Variants in GSE1 observed in about 807,000 individuals in gnomAD.
The protein encoded by GSE1 is Gse1 coiled-coil protein, also known as genetic suppressor element 1.
In GSE1, 32 loss-of-function variants were observed where a neutral mutation model predicts 112.6. That is an observed-to-expected ratio of 0.28 (90% CI 0.21 to 0.38). The LOEUF (loss-of-function observed/expected upper bound fraction) is 0.38. Ranked by LOEUF, GSE1 falls within the 10% of genes least tolerant of loss-of-function variation. The probability of loss-of-function intolerance (pLI) is 1.00; values close to 1 mark genes in which losing one functional copy is unlikely to be tolerated. For synonymous variants in GSE1, 1,115 were observed against 735.6 expected (o/e 1.52, Z -8.35); for missense variants, 2,348 against 1,699.2 (o/e 1.38, Z -6.71).
intron 2 of GSE1, among the ~76,000 whole-genome samples, chr16:85,484,065 C>A (rs1051383331): frequency 6.6e-6 from 1 of 152,234 alleles, no homozygotes; most frequent in Non-Finnish European, 1.5e-5. Context: ...CCCTCAGATT[C>A]GCGGTAGGAT....
chr16:85,435,282 G>C (rs1009950262), intron 2 of GSE1, among the ~76,000 whole-genome samples: 1 of 152,106 alleles, frequency 6.6e-6, no homozygotes, highest in African/African-American at 2.4e-5. Context: ...CCCAGCTCTA[G>C]AGATGGAGAC....
rs112625318 is a variant in GSE1, at chr16:85,502,277, A to G, written c.2465-131637A>G. Among the ~76,000 whole-genome samples, 969 of 152,170 alleles carry G rather than the reference A, an allele frequency of 6.4e-3. 9 individuals are homozygous for G. Among genetic ancestry groups the G allele is most frequent in the African/African-American group, 0.022 (924 of 41,520 alleles). ...ACCTAGGTGCGCACAGTGGAGTTCG[A>G]TCCTGGCAGCTTCCCCAGGAGATCA... On this transcript the variant is annotated intron_variant, in intron 2 of 2. Transcript: ENST00000637419.
intron 2 of GSE1, among the ~76,000 whole-genome samples, chr16:85,469,851 G>A (rs1234681686): frequency 6.6e-6 from 1 of 152,226 alleles, no homozygotes; most frequent in Non-Finnish European, 1.5e-5. Flanking sequence ...CAGAGGATTA[G>A]GGACACCACG....
intron 1 of GSE1, among the ~76,000 whole-genome samples, chr16:85,559,832 C>A (rs1185928977): frequency 1.3e-5 from 2 of 152,226 alleles, no homozygotes; most frequent in Non-Finnish European, 1.5e-5. Context: ...ACAGCCACGC[C>A]TGTTCCTCTG....
intron 2 of GSE1, among the ~76,000 whole-genome samples, chr16:85,415,177 C>T (rs1410382265): frequency 2.0e-5 from 3 of 152,210 alleles, no homozygotes; most frequent in African/African-American, 7.2e-5. Flanking sequence ...CGTACTCAAA[C>T]GATTCTCCCA....
chr16:85,313,551 C>A (rs946295179), intron 1 of GSE1, among the ~76,000 whole-genome samples: 1 of 152,198 alleles, frequency 6.6e-6, no homozygotes, highest in African/African-American at 2.4e-5. Flanking sequence ...CTTCCTGCCC[C>A]CTCCCTGCCC....
chr16:85,550,880 G>C (rs1377622063), intron 2 of GSE1, among the ~76,000 whole-genome samples: 1 of 152,218 alleles, frequency 6.6e-6, no homozygotes, highest in East Asian at 1.9e-4. Flanking sequence ...GCCGCCTCCT[G>C]GGAAGCAGCC....
At chr16:85,640,249 G>A (rs953067256) in intron 2 of GSE1, among the ~76,000 whole-genome samples, 33 of 151,514 alleles carry the variant, frequency 2.2e-4, no homozygotes, top group African/African-American at 8.0e-4. Flanking sequence ...CCCACACTTC[G>A]CTCCCTTAAC....
chr16:85,629,611 T>C (rs893529937), intron 1 of GSE1, among the ~76,000 whole-genome samples: 6 of 152,350 alleles, frequency 3.9e-5, no homozygotes, highest in Non-Finnish European at 5.9e-5. Context: ...CAAGCCTGCC[T>C]TCGCCTATCT....
intron 1 of GSE1, among the ~76,000 whole-genome samples, chr16:85,572,401 A>G (rs985686741): frequency 6.9e-6 from 1 of 144,256 alleles, no homozygotes; most frequent in South Asian, 2.2e-4. Context: ...ACACAAACAC[A>G]CCACACACAC....
chr16:85,439,995 C>G (rs1205175899), intron 2 of GSE1, among the ~76,000 whole-genome samples: 6 of 152,240 alleles, frequency 3.9e-5, no homozygotes, highest in African/African-American at 1.4e-4. Context: ...CATGCATATG[C>G]AAATATGCAC....
chr16:85,326,166 C>T (rs1159312828), intron 1 of GSE1, among the ~76,000 whole-genome samples: 2 of 152,136 alleles, frequency 1.3e-5, no homozygotes, highest in Non-Finnish European at 2.9e-5. Flanking sequence ...GAATCGGTGC[C>T]CCCCTGGCTC....
intron 1 of GSE1, among the ~76,000 whole-genome samples, chr16:85,256,844 T>C (rs933814663): frequency 1.4e-4 from 21 of 152,280 alleles, no homozygotes; most frequent in African/African-American, 2.4e-4. Flanking sequence ...TGGCCACTTA[T>C]ATTTCAATGA....
chr16:85,426,212 T>TGGAG (rs2048983671), intron 2 of GSE1, among the ~76,000 whole-genome samples: 1 of 145,534 alleles, frequency 6.9e-6, no homozygotes. Flanking sequence ...GATGGATGGA[T>TGGAG]GGATGGATGG....
At chr16:85,427,901 A>G (rs777457333) in intron 2 of GSE1, among the ~76,000 whole-genome samples, 2 of 152,256 alleles carry the variant, frequency 1.3e-5, no homozygotes, top group African/African-American at 4.8e-5. Flanking sequence ...GCACATGGAC[A>G]ATATTAAAAA....
At chr16:85,190,830 G>A (rs1384363321) in intron 1 of GSE1, among the ~76,000 whole-genome samples, 1 of 152,240 alleles carries the variant, frequency 6.6e-6, no homozygotes, top group Non-Finnish European at 1.5e-5. Context: ...GGCACAAAGG[G>A]CGGACTCACC....
At chr16:85,312,643 A>G (rs567198098) in intron 1 of GSE1, among the ~76,000 whole-genome samples, 1 of 138,792 alleles carries the variant, frequency 7.2e-6, no homozygotes, top group Non-Finnish European at 1.6e-5. Context: ...AGGTTCCAGC[A>G]GGACATGGGT....
intron 1 of GSE1, among the ~76,000 whole-genome samples, chr16:85,348,296 T>TCATCCATCCATC (rs57742912): frequency 0.14 from 20,717 of 151,164 alleles, 1,515 homozygotes; most frequent in African/African-American, 0.17. Context: ...CATCCACTGT[T>TCATCCATCCATC]CATCCATCCA....
chr16:85,641,555 G>A (rs771691178), intron 2 of GSE1, among the ~76,000 whole-genome samples: 3 of 152,246 alleles, frequency 2.0e-5, no homozygotes, highest in Admixed American at 6.5e-5. Flanking sequence ...TCCCTGGAAC[G>A]CAGGGGGTCG....
Sources: allele counts gnomAD v4.1 joint callset (sites outside exome capture counted in the v4.1 genomes callset), GRCh38; gene constraint gnomAD v4.1.1; transcripts MANE v1.5; gene names NCBI Gene and HGNC (gene_info 2026-07-23, HGNC 2026-07-21).